The following PRRC2B variants were observed in gnomAD, a reference collection of about 807,000 sequenced individuals.
The protein encoded by PRRC2B is proline rich coiled-coil 2B.
Under a neutral mutation model 242.3 loss-of-function variants are expected in PRRC2B, and 68 were observed. The observed-to-expected ratio is 0.28, with a 90% confidence interval of 0.23 to 0.34. The LOEUF is 0.34. Among genes scored for constraint, PRRC2B ranks in the 10% least tolerant of loss-of-function variants. The pLI is 1.00. For missense variants in PRRC2B, 2,835 were observed against 2,954.8 expected (o/e 0.96, Z 0.94); for synonymous variants, 1,228 against 1,173.6 (o/e 1.05, Z -0.95).
intron 9 of PRRC2B, among the ~76,000 whole-genome samples, chr9:131,451,315 C>T (rs1942911590): frequency 6.6e-6 from 1 of 152,100 alleles, no homozygotes; most frequent in African/African-American, 2.4e-5. Flanking sequence ...AGGAGAATTG[C>T]TTGAACTCGG....
intron 9 of PRRC2B, among the ~76,000 whole-genome samples, chr9:131,450,807 C>T (rs926510278): frequency 5.9e-5 from 9 of 152,008 alleles, no homozygotes; most frequent in Admixed American, 4.6e-4. Context: ...AGGCTGATCT[C>T]GAACTCCTGA....
In PRRC2B at chr9:131,482,501, G is replaced by A; in HGVS notation, c.5114G>A (p.Gly1705Asp). The change falls in exon 21 of 32, where the codon GGC becomes GAC. Residue 1705 changes from glycine (G) to aspartate (D), a missense_variant. Transcript: ENST00000683519. The surrounding 1 kb of genome is among the most constrained non-coding windows in gnomAD (Gnocchi z 5.2). ...TLKPEEMSGP[G>D]LAEPKADSHK... ...AAGCCAGAGGAGATGAGCGGGCCCG[G>A]CCTGGCGGAACCCAAGGCCGACAGC... 6.2e-7 allele frequency: 1 copy of A among 1,611,506 alleles called. No individual in the cohort carries two copies. The highest frequency in any genetic ancestry group is 8.5e-7 in the Non-Finnish European group (1 of 1,177,866).
At chr9:131,483,024 C>A in intron 22 of PRRC2B, 117 bp downstream of exon 22, 1 of 1,202,534 alleles carries the variant, frequency 8.3e-7, no homozygotes, top group Non-Finnish European at 1.2e-6. Flanking sequence ...GGGAGCCAAG[C>A]AGTCTTCCAG....
chr9:131,436,289 C>T (rs890890557), intron 3 of PRRC2B, among the ~76,000 whole-genome samples: 7 of 152,066 alleles, frequency 4.6e-5, no homozygotes, highest in South Asian at 2.1e-4. Flanking sequence ...TGCTTGAGGC[C>T]GGGAAGCAGA....
rs986886313 is a variant in PRRC2B at position 131,487,585 on chromosome 9, C to T, written c.5985-271C>T. Reference sequence around the variant, plus strand: ...CCTTGACTCCCTGTCTCCTCCCCACCGCGGGCTTCTCCGTCAGTGTGGCTG... The same window carrying T: ...CCTTGACTCCCTGTCTCCTCCCCACTGCGGGCTTCTCCGTCAGTGTGGCTG... On this transcript the variant is annotated intron_variant, in intron 27 of 31. Coordinates refer to ENST00000683519, the MANE Select transcript of PRRC2B (RefSeq NM_013318.4). This position sits in a 1 kb window ranked among gnomAD's most constrained non-coding sequence, Gnocchi z 5.3. Among the ~76,000 whole-genome samples the T allele has an allele frequency of 6.6e-5, 10 of 152,194 alleles. No homozygotes were observed. Among genetic ancestry groups the T allele is most frequent in the South Asian group, 4.1e-4 (2 of 4,832 alleles).
In PRRC2B at chr9:131,453,314, C is replaced by T. The variant is rs6597498; in HGVS notation, c.1121-1762C>T. Among the ~76,000 whole-genome samples, 793 of 152,302 alleles carry T rather than the reference C, an allele frequency of 5.2e-3. 10 individuals are homozygous for T. The highest frequency in any genetic ancestry group is 0.018 in the African/African-American group (765 of 41,556). On this transcript the variant is annotated intron_variant, in intron 9 of 31. Transcript: ENST00000683519. ...TAAAGTGATTATTTAGTAGACAGCA[C>T]GTAATTGCAACTTGCTTTTTCAGTT...
intron 25 of PRRC2B, 56 bp from the exon 26 acceptor site, chr9:131,486,029 T>G (rs1256568686): frequency 9.4e-6 from 11 of 1,176,074 alleles, no homozygotes; most frequent in South Asian, 3.9e-5. Context: ...TCAGGGACAT[T>G]GAGAAGTAGT....
chr9:131,473,227 CCT>C (rs1943592621), intron 14 of PRRC2B, among the ~76,000 whole-genome samples: 2 of 152,126 alleles, frequency 1.3e-5, no homozygotes. Flanking sequence ...GGCTTCATCC[CCT>C]GTCCTGAGTG....
At position 131,484,712 on chromosome 9, in the gene PRRC2B, C is replaced by A; in HGVS notation, c.5487C>A (p.Ile1829=). ...SNAGLTQSIP[I]LRRDHHIQRA... is the part of the protein sequence containing the mutation. ...CAGGGTTAACACAGAGTATCCCCATCCTGCGGCGGGACCATCACATCCAGA... is the reference window on the plus strand; with the variant it reads ...CAGGGTTAACACAGAGTATCCCCATACTGCGGCGGGACCATCACATCCAGA... Residue 1829 remains isoleucine, a synonymous_variant, in exon 24 of 32, where the codon ATC becomes ATA. Coordinates refer to ENST00000683519, the MANE Select transcript of PRRC2B (RefSeq NM_013318.4). The A allele has an allele frequency of 1.2e-6, 2 of 1,612,716 alleles. No individual in the cohort carries two copies. Among genetic ancestry groups the A allele is most frequent in the Non-Finnish European group, 1.7e-6 (2 of 1,179,326 alleles).
chr9:131,475,651 C>T lies in PRRC2B; in HGVS notation c.3522C>T (p.Cys1174=). 2 of 1,610,886 alleles carry T rather than the reference C, an allele frequency of 1.2e-6. No homozygotes were observed. Among genetic ancestry groups the T allele is most frequent in the Non-Finnish European group, 1.7e-6 (2 of 1,178,570 alleles). ...AGAGCACCTTGAAGAAGGGCGACTG[C>T]AGAGATTCTTGGCGGTCCAACAAGG... ...REESTLKKGD[C]RDSWRSNKGC... is the part of the protein sequence containing the mutation. The change falls in exon 16 of 32, where the codon TGC becomes TGT. Residue 1174 remains cysteine (C), a synonymous_variant. Coordinates refer to ENST00000683519, the MANE Select transcript of PRRC2B (RefSeq NM_013318.4).
upstream of PRRC2B, among the ~76,000 whole-genome samples, chr9:131,389,149 A>ATT (rs71501254): frequency 0.034 from 3,736 of 108,786 alleles, 271 homozygotes; most frequent in African/African-American, 0.12. Flanking sequence ...GCTCCTTTCA[A>ATT]TTTTTTTTTT....
chr9:131,427,523 G>A (rs1488991810), intron 1 of PRRC2B, among the ~76,000 whole-genome samples: 1 of 152,084 alleles, frequency 6.6e-6, no homozygotes, highest in Non-Finnish European at 1.5e-5. Context: ...GTAGAGAAGG[G>A]GTTTCACCGT....
At chr9:131,386,498 C>A (rs1213090906) in intron 1 of PRRC2B, among the ~76,000 whole-genome samples, 2 of 150,208 alleles carry the variant, frequency 1.3e-5, no homozygotes, top group Non-Finnish European at 1.5e-5. Flanking sequence ...CAGATCTGCC[C>A]GAGGAACAGA....
intron 9 of PRRC2B, among the ~76,000 whole-genome samples, chr9:131,454,092 A>G (rs1442285206): frequency 6.6e-6 from 1 of 152,156 alleles, no homozygotes; most frequent in Non-Finnish European, 1.5e-5. Context: ...AGATTTGCAT[A>G]TTCTGGACAT....
At chr9:131,419,043 T>G (rs1837731094) in intron 1 of PRRC2B, among the ~76,000 whole-genome samples, 1 of 152,224 alleles carries the variant, frequency 6.6e-6, no homozygotes. Flanking sequence ...CAAGCGTATA[T>G]TTCTTTTGTT....
intron 1 of PRRC2B, among the ~76,000 whole-genome samples, chr9:131,381,462 AG>A (rs1176939224): frequency 8.2e-6 from 1 of 121,300 alleles, no homozygotes; most frequent in African/African-American, 3.3e-5. Flanking sequence ...TCTGTCCCCC[AG>A]GCTGGAGTGC....
At chr9:131,485,361 C>T (rs1028542667) in intron 25 of PRRC2B, among the ~76,000 whole-genome samples, 1 of 152,210 alleles carries the variant, frequency 6.6e-6, no homozygotes, top group Non-Finnish European at 1.5e-5. Context: ...AACAGCGAGG[C>T]ACTCCTGCCT....
At chr9:131,459,126 G>C (rs1462154281) in intron 10 of PRRC2B, 38 bp from the exon 11 acceptor site, 4 of 1,592,322 alleles carry the variant, frequency 2.5e-6, no homozygotes, top group Non-Finnish European at 3.4e-6. Context: ...TGCTTGGCCT[G>C]AGTGCAAAAA....
chr9:131,473,954 G>A (rs770375270), intron 15 of PRRC2B, among the ~76,000 whole-genome samples: 3 of 152,156 alleles, frequency 2.0e-5, no homozygotes, highest in African/African-American at 4.8e-5. Flanking sequence ...GAGAAGTCCC[G>A]GGGTCCTCAA....
Sources: gnomAD v4.1 joint callset for allele counts (sites outside exome capture counted in the v4.1 genomes callset) on GRCh38, gnomAD v4.1.1 for gene constraint, Gnocchi (gnomAD v3.1) non-coding constraint, MANE v1.5 for transcripts, NCBI Gene and HGNC (gene_info 2026-07-23, HGNC 2026-07-21) for gene names.